The following CSMD1 variants were observed in gnomAD, a reference collection of about 807,000 sequenced individuals.
CSMD1 encodes the protein CUB and sushi domain-containing protein 1.
CSMD1 carries 213 observed loss-of-function variants against 417.5 expected under a neutral mutation model. The ratio of observed to expected loss-of-function variants is 0.51; its 90% CI spans 0.46 to 0.57. The LOEUF (loss-of-function observed/expected upper bound fraction) is 0.57, where lower values mean the gene tolerates loss of function less well. Among genes scored for constraint, CSMD1 ranks in the 20% least tolerant of loss-of-function variants. The pLI, the probability that CSMD1 is intolerant of heterozygous loss-of-function variation, is 0.00. For synonymous variants in CSMD1, 2,862 were observed against 1,736.8 expected, an observed-to-expected ratio of 1.65 and a Z score of -16.11; for missense variants, 6,923 against 4,529.7, an observed-to-expected ratio of 1.53 and a Z score of -15.17.
At chr8:3,476,125 T>A (rs1053021794) in intron 11 of CSMD1, among the ~76,000 whole-genome samples, 1 of 152,176 alleles carries the variant, frequency 6.6e-6, no homozygotes, top group Non-Finnish European at 1.5e-5. Flanking sequence ...GGAAGACTAT[T>A]TGAGTCCAGG....
chr8:3,792,737 T>C (rs1396588731), intron 5 of CSMD1, among the ~76,000 whole-genome samples: 2 of 152,186 alleles, frequency 1.3e-5, no homozygotes, highest in Non-Finnish European at 2.9e-5. Context: ...TCAACCAGAA[T>C]GCTCATTTTC....
chr8:3,552,571 T>A (rs893499246), intron 10 of CSMD1, among the ~76,000 whole-genome samples: 6 of 152,130 alleles, frequency 3.9e-5, no homozygotes, highest in African/African-American at 1.4e-4. Context: ...TGGGGGGCAT[T>A]GTGGTTATGC....
At chr8:2,965,598 T>A (rs1360368006) in intron 59 of CSMD1, among the ~76,000 whole-genome samples, 177 bp downstream of exon 59, 5 of 152,166 alleles carry the variant, frequency 3.3e-5, no homozygotes, top group Admixed American at 3.3e-4. Context: ...AGTTTTTCCA[T>A]CTGTAAAACT....
intron 3 of CSMD1, among the ~76,000 whole-genome samples, chr8:4,403,611 C>G (rs1453209255): frequency 2.0e-5 from 3 of 152,158 alleles, no homozygotes; most frequent in Admixed American, 1.3e-4. Flanking sequence ...AAGAACTCCC[C>G]CTTTTCACCA....
chr8:4,412,489 A>C (rs1422116028), intron 3 of CSMD1, among the ~76,000 whole-genome samples: 1 of 152,190 alleles, frequency 6.6e-6, no homozygotes, highest in African/African-American at 2.4e-5. Context: ...GTTCCTGTCC[A>C]GCCTGCAGAA....
intron 41 of CSMD1, among the ~76,000 whole-genome samples, chr8:3,142,089 G>GC (rs1818536847): frequency 6.6e-6 from 1 of 152,092 alleles, no homozygotes; most frequent in Non-Finnish European, 1.5e-5. Flanking sequence ...GAGCCACCGC[G>GC]CCCGGCCGCC....
intron 5 of CSMD1, among the ~76,000 whole-genome samples, chr8:3,779,568 T>C (rs1230207838): frequency 6.6e-6 from 1 of 152,222 alleles, no homozygotes; most frequent in Non-Finnish European, 1.5e-5. Context: ...TATGCTCAAA[T>C]ATCCAAAAGC....
intron 11 of CSMD1, among the ~76,000 whole-genome samples, chr8:3,492,087 T>C (rs574685096): frequency 1.3e-5 from 2 of 152,308 alleles, no homozygotes; most frequent in South Asian, 4.1e-4. Context: ...ACAAGGTGTA[T>C]GTGAATTTCC....
intron 3 of CSMD1, among the ~76,000 whole-genome samples, chr8:4,033,267 T>C (rs2554569): frequency 0.94 from 142,215 of 151,718 alleles, 66,731 homozygotes; most frequent in East Asian, 0.99. Context: ...GGTGAAACCC[T>C]GTCTCTACTA....
intron 12 of CSMD1, among the ~76,000 whole-genome samples, chr8:3,448,397 G>A (rs1437031970): frequency 7.6e-6 from 1 of 131,500 alleles, no homozygotes; most frequent in South Asian, 2.6e-4. Context: ...GGAGGAGGAA[G>A]GGAAGGAAGG....
At chr8:3,505,154 T>A (rs551915237) in intron 10 of CSMD1, among the ~76,000 whole-genome samples, 2 of 152,178 alleles carry the variant, frequency 1.3e-5, no homozygotes, top group South Asian at 4.1e-4. Flanking sequence ...TGCCCTCAGA[T>A]GTATGAAAGA....
At chr8:4,816,853 G>A (rs1182911455) in intron 1 of CSMD1, among the ~76,000 whole-genome samples, 1 of 152,094 alleles carries the variant, frequency 6.6e-6, no homozygotes, top group Non-Finnish European at 1.5e-5. Flanking sequence ...TATACAGGAA[G>A]CAAGTCATAT....
intron 30 of CSMD1, among the ~76,000 whole-genome samples, chr8:3,213,282 C>T (rs78495387): frequency 6.6e-6 from 1 of 152,306 alleles, no homozygotes; most frequent in East Asian, 1.9e-4. Flanking sequence ...GTCTCTGCAA[C>T]AAGCCATGAA....
intron 5 of CSMD1, among the ~76,000 whole-genome samples, chr8:3,903,662 T>C (rs1032065106): frequency 6.6e-6 from 1 of 152,126 alleles, no homozygotes; most frequent in African/African-American, 2.4e-5. Context: ...TCCTTACAAA[T>C]TGACCCTGGC....
chr8:4,909,493 T>G (rs1805517753), intron 1 of CSMD1, among the ~76,000 whole-genome samples: 8 of 152,012 alleles, frequency 5.3e-5, no homozygotes, highest in Admixed American at 4.6e-4. Flanking sequence ...CTAGCAGAGA[T>G]TTTTCCCTAA....
intron 10 of CSMD1, among the ~76,000 whole-genome samples, chr8:3,513,338 ATT>A (rs56387019): frequency 9.2e-5 from 13 of 141,520 alleles, no homozygotes; most frequent in African/African-American, 1.0e-4. Context: ...TTGCCCACAG[ATT>A]TTTTTTTTTT....
At chr8:4,053,139 G>A (rs1185457077) in intron 3 of CSMD1, among the ~76,000 whole-genome samples, 6 of 152,196 alleles carry the variant, frequency 3.9e-5, no homozygotes. Context: ...CTCCATGGGT[G>A]CAGTGTACAG....
intron 10 of CSMD1, among the ~76,000 whole-genome samples, chr8:3,496,891 T>G (rs1368503213): frequency 6.6e-6 from 1 of 152,224 alleles, no homozygotes; most frequent in African/African-American, 2.4e-5. Flanking sequence ...GGCCTATTTC[T>G]TCATAGACCC....
At chr8:4,337,285 C>G (rs1460243932) in intron 3 of CSMD1, among the ~76,000 whole-genome samples, 1 of 152,090 alleles carries the variant, frequency 6.6e-6, no homozygotes, top group African/African-American at 2.4e-5. Context: ...TTAATTTCTG[C>G]TTGACATTTT....
Sources: allele counts gnomAD v4.1 joint callset (sites outside exome capture counted in the v4.1 genomes callset), GRCh38; gene constraint gnomAD v4.1.1; transcripts MANE v1.5; gene names NCBI Gene and HGNC (gene_info 2026-07-23, HGNC 2026-07-21).